ZBTB20: variants seen among roughly 807,000 people sequenced by gnomAD.
ZBTB20 encodes the protein zinc finger and BTB domain containing 20, also known as zinc finger and BTB domain-containing protein 20.
A neutral mutation model predicts 56.9 loss-of-function variants in ZBTB20; 9 were observed. That is an observed-to-expected ratio of 0.16 (90% CI 0.10 to 0.28). The LOEUF (loss-of-function observed/expected upper bound fraction) is 0.28. Ranked by LOEUF, ZBTB20 falls within the 10% of genes least tolerant of loss-of-function variation. The pLI is 1.00. For synonymous variants in ZBTB20, 417 were observed against 420.7 expected, an observed-to-expected ratio of 0.99 and a Z score of 0.11; for missense variants, 655 against 1,003.0, an observed-to-expected ratio of 0.65 and a Z score of 4.69.
intron 5 of ZBTB20, among the ~76,000 whole-genome samples, chr3:114,738,051 A>G (rs2066305123): frequency 6.6e-6 from 1 of 152,102 alleles, no homozygotes; most frequent in African/African-American, 2.4e-5. Context: ...ATGATCTTAC[A>G]GTGAATATAG....
At chr3:114,836,519 C>T (rs1238035810) in intron 4 of ZBTB20, among the ~76,000 whole-genome samples, 2 of 152,174 alleles carry the variant, frequency 1.3e-5, no homozygotes, top group Non-Finnish European at 2.9e-5. Flanking sequence ...TCTGGTTTCC[C>T]TATTATCCAT....
intron 2 of ZBTB20, among the ~76,000 whole-genome samples, chr3:114,983,947 G>A (rs913986420): frequency 6.6e-6 from 1 of 151,792 alleles, no homozygotes; most frequent in African/African-American, 2.4e-5. Flanking sequence ...AAAACGAAAC[G>A]ATTTCCTTTG....
intron 4 of ZBTB20, among the ~76,000 whole-genome samples, chr3:114,824,149 T>C (rs542222587): frequency 1.3e-5 from 2 of 151,988 alleles, no homozygotes; most frequent in East Asian, 3.9e-4. Flanking sequence ...TTCACCCTCA[T>C]ACTAAGTGGT....
At chr3:114,589,562 C>T (rs2055533014) in intron 6 of ZBTB20, among the ~76,000 whole-genome samples, 2 of 152,114 alleles carry the variant, frequency 1.3e-5, no homozygotes, top group African/African-American at 4.8e-5. Flanking sequence ...AATTTATTGT[C>T]CAAGCAGGGA....
intron 4 of ZBTB20, among the ~76,000 whole-genome samples, chr3:114,882,347 G>C (rs2076430233): frequency 6.6e-6 from 1 of 151,952 alleles, no homozygotes; most frequent in African/African-American, 2.4e-5. Context: ...ATATAATGTT[G>C]TTACATGTGT....
At chr3:115,143,203 A>G (rs916182061) in intron 1 of ZBTB20, among the ~76,000 whole-genome samples, 2 of 152,230 alleles carry the variant, frequency 1.3e-5, no homozygotes, top group Non-Finnish European at 2.9e-5. Flanking sequence ...TATTGCTAAA[A>G]TCTTCTGTAA....
chr3:114,346,680 C>T (rs60261592), intron 11 of ZBTB20, among the ~76,000 whole-genome samples: 1 of 136,500 alleles, frequency 7.3e-6, no homozygotes, highest in South Asian at 2.4e-4. Flanking sequence ...TTGTCTCAAA[C>T]AGATTTTTTT....
chr3:114,837,408 C>T (rs189270882), intron 4 of ZBTB20, among the ~76,000 whole-genome samples: 1 of 152,134 alleles, frequency 6.6e-6, no homozygotes, highest in African/African-American at 2.4e-5. Context: ...AACACCATTC[C>T]ACAGTTTCTG....
chr3:115,059,658 G>A (rs539788719), intron 2 of ZBTB20, among the ~76,000 whole-genome samples: 4 of 152,070 alleles, frequency 2.6e-5, no homozygotes, highest in East Asian at 3.9e-4. Flanking sequence ...CCCTTCCTCC[G>A]GTATTCTACC....
intron 5 of ZBTB20, among the ~76,000 whole-genome samples, chr3:114,697,165 A>G (rs1460558716): frequency 1.3e-5 from 2 of 151,750 alleles, no homozygotes; most frequent in African/African-American, 2.4e-5. Flanking sequence ...ATGGGTTTAT[A>G]TAACTGGCTT....
intron 2 of ZBTB20, among the ~76,000 whole-genome samples, chr3:115,014,583 A>G (rs1043595895): frequency 7.1e-6 from 1 of 141,094 alleles, no homozygotes; most frequent in Admixed American, 7.1e-5. Context: ...AAATAAAAAT[A>G]ATAAATAAAT....
intron 6 of ZBTB20, among the ~76,000 whole-genome samples, chr3:114,525,627 T>C (rs1402486929): frequency 1.3e-5 from 2 of 152,196 alleles, no homozygotes; most frequent in Admixed American, 6.5e-5. Flanking sequence ...TTTCTAATTG[T>C]TTCATATGGG....
intron 3 of ZBTB20, among the ~76,000 whole-genome samples, chr3:114,935,038 CA>C (rs1028599394): frequency 7.9e-5 from 12 of 152,034 alleles, no homozygotes; most frequent in African/African-American, 2.7e-4. Context: ...CTACTTTCAT[CA>C]AAAAATGAAC....
At chr3:114,401,188 A>G (rs115621170) in intron 7 of ZBTB20, among the ~76,000 whole-genome samples, 1,845 of 143,758 alleles carry the variant, frequency 0.013, 37 homozygotes, top group African/African-American at 0.046. Flanking sequence ...GGACAGCACA[A>G]TTGAATTTTT....
intron 2 of ZBTB20, among the ~76,000 whole-genome samples, chr3:115,042,546 T>C (rs1187193864): frequency 6.6e-6 from 1 of 152,300 alleles, no homozygotes; most frequent in East Asian, 1.9e-4. Flanking sequence ...AAGAAATATT[T>C]TTATTGAGTA....
Position 114,436,700 on chromosome 3 carries a change from C to G in ZBTB20, c.-254-47595G>C, listed in dbSNP as rs372535651. On this transcript the variant is annotated intron_variant, in intron 7 of 11. Transcript: ENST00000675478. ...TTCACTATGTAAACCTATATTCCCT[C>G]CCTCTCTTTCCTCCAGGAACAAAGT... Among the ~76,000 whole-genome samples the G allele has an allele frequency of 3.3e-5, 5 of 152,292 alleles. No homozygotes were observed. In the East Asian group the frequency reaches 5.8e-4, roughly 18 times the overall value.
At chr3:114,956,927 C>T (rs572036199) in intron 3 of ZBTB20, among the ~76,000 whole-genome samples, 55 of 152,234 alleles carry the variant, frequency 3.6e-4, no homozygotes, top group Middle Eastern at 3.4e-3. Context: ...TACACTGTTC[C>T]AGCAACATAG....
intron 3 of ZBTB20, among the ~76,000 whole-genome samples, chr3:114,937,399 G>A (rs1458376311): frequency 6.6e-6 from 1 of 151,548 alleles, no homozygotes; most frequent in Admixed American, 6.6e-5. Flanking sequence ...TATGTTTGTT[G>A]GTGACATAAA....
intron 3 of ZBTB20, among the ~76,000 whole-genome samples, chr3:114,924,787 C>T (rs768582660): frequency 2.2e-4 from 34 of 151,932 alleles, no homozygotes; most frequent in African/African-American, 6.3e-4. Flanking sequence ...ATTGTACTTC[C>T]GGTTTTTGAG....
Sources: gnomAD v4.1 joint callset for allele counts (sites outside exome capture counted in the v4.1 genomes callset) on GRCh38, gnomAD v4.1.1 for gene constraint, MANE v1.5 for transcripts, NCBI Gene and HGNC (gene_info 2026-07-23, HGNC 2026-07-21) for gene names.